Variants in SEPTIN3 observed in about 807,000 individuals in gnomAD.
SEPTIN3 encodes the protein neuronal-specific septin-3.
Under a neutral mutation model 45.1 loss-of-function variants are expected in SEPTIN3, and 15 were observed. That is an observed-to-expected ratio of 0.33 (90% CI 0.22 to 0.51). The LOEUF (loss-of-function observed/expected upper bound fraction) is 0.51, where lower values mean the gene tolerates loss of function less well. SEPTIN3 is among the 20% of genes least tolerant of loss of function. The pLI is 0.97. For missense variants in SEPTIN3, 289 were observed against 457.2 expected (o/e 0.63, Z 3.35); for synonymous variants, 148 against 164.8 (o/e 0.90, Z 0.78).
intron 1 of SEPTIN3, among the ~76,000 whole-genome samples, chr22:41,969,978 C>A (rs2077942439): frequency 1.3e-5 from 2 of 152,038 alleles, no homozygotes; most frequent in South Asian, 4.2e-4. Flanking sequence ...GGGTTGGAGG[C>A]CAGGACAGTC....
Position 41,994,175 on chromosome 22 carries a change from C to T in SEPTIN3, c.2360-115C>T, listed in dbSNP as rs554167252. 1.2e-6 allele frequency: 1 copy of T among 867,734 alleles called. No homozygotes were observed. Among genetic ancestry groups the T allele is most frequent in the African/African-American group, 1.7e-5 (1 of 60,480 alleles). 53.8% of individuals were successfully genotyped at this position (867,734 alleles called of 1,614,324 possible). A position where few individuals can be genotyped will look rare whatever the true frequency, so the allele number is the denominator to read the frequency against. ...CTCTGGAAGGGTTACAAAAAATGACCTGTCCCATAGCTTTCTCCTAAATGC... is the reference window on the plus strand; with the variant it reads ...CTCTGGAAGGGTTACAAAAAATGACTTGTCCCATAGCTTTCTCCTAAATGC... On this transcript the variant is annotated intron_variant, in intron 9 of 11. Transcript: ENST00000644076. This position sits in a 1 kb window ranked among gnomAD's most constrained non-coding sequence, Gnocchi z 4.2.
At chr22:41,990,553 G>A (rs780068887) in intron 7 of SEPTIN3, among the ~76,000 whole-genome samples, 1 of 146,640 alleles carries the variant, frequency 6.8e-6, no homozygotes, top group East Asian at 2.1e-4. Context: ...AGACCATCCT[G>A]GCTAACACGG....
rs1201627494 is a variant in SEPTIN3 at position 41,989,552 on chromosome 22, T to C, written c.2046-15T>C. The C allele has an allele frequency of 4.4e-6, 7 of 1,594,610 alleles. No homozygotes were observed. Among genetic ancestry groups the C allele is most frequent in the Non-Finnish European group, 6.0e-6 (7 of 1,162,674 alleles). ...GCAAGGTGGCTCTGATGATTCTGCCTTTTCTGTGCCCCAGCTTGCGACCTC... is the reference window on the plus strand; with the variant it reads ...GCAAGGTGGCTCTGATGATTCTGCCCTTTCTGTGCCCCAGCTTGCGACCTC... On this transcript the variant is annotated splice_polypyrimidine_tract_variant and intron_variant, in intron 6 of 11. Coordinates refer to ENST00000644076, the MANE Select transcript of SEPTIN3 (RefSeq NM_001363845.2).
intron 2 of SEPTIN3, among the ~76,000 whole-genome samples, chr22:41,978,051 T>C (rs532742745): frequency 6.6e-6 from 1 of 152,170 alleles, no homozygotes; most frequent in Non-Finnish European, 1.5e-5. Context: ...AGCTGCACCC[T>C]GCTGTGACCC....
In SEPTIN3 at chr22:41,977,098, G is replaced by C. The variant is rs373792980; in HGVS notation, c.1504+4102G>C. The C allele has an allele frequency of 6.2e-4, 989 of 1,588,000 alleles. 8 individuals carry two copies. In the African/African-American group the frequency reaches 0.011, roughly 18 times the overall value. On this transcript the variant is annotated intron_variant, in intron 2 of 11. Coordinates refer to ENST00000644076, the MANE Select transcript of SEPTIN3 (RefSeq NM_001363845.2). ...AGGTAGGGCGGCCGGCCAGGCCACC[G>C]GCACCCGCCAGGAGGAGGCTGCGGC... is the stretch of plus-strand genomic sequence containing the variant.
At position 41,994,986 on chromosome 22, in the gene SEPTIN3, C is replaced by T; in HGVS notation, c.2505+272C>T. 2 of 1,343,220 alleles carry T rather than the reference C, an allele frequency of 1.5e-6. No homozygotes were observed. Among genetic ancestry groups the T allele is most frequent in the Non-Finnish European group, 1.9e-6 (2 of 1,043,464 alleles). The allele number at this position is 1,343,220 out of a possible 1,614,324, so 83.2% of individuals were successfully genotyped here. ...AGGGGTGAGGTATTTTCACTGCCCT[C>T]CCTGGAGAGTCCCTTGTAAGTTTGG... On this transcript the variant is annotated intron_variant, in intron 11 of 11. Transcript: ENST00000644076. The surrounding 1 kb of genome is among the most constrained non-coding windows in gnomAD (Gnocchi z 4.2).
In SEPTIN3 at chr22:41,972,684, G is replaced by C; in HGVS notation, c.1192G>C (p.Val398Leu). The C allele has an allele frequency of 2.5e-6, 1 of 399,162 alleles. No individual in the cohort carries two copies. Among genetic ancestry groups the C allele is most frequent in the East Asian group, 3.6e-5 (1 of 28,080 alleles). 24.7% of individuals were successfully genotyped at this position (399,162 alleles called of 1,614,324 possible). Residue 398 changes from valine to leucine, a missense_variant, in exon 2 of 12, where the codon GTG (valine) becomes CTG (leucine). Around this residue, in one of 3 missense-constraint regions of SEPTIN3, gnomAD observed 200 missense variants for 315.1 expected, o/e 0.63. Coordinates refer to ENST00000644076, the MANE Select transcript of SEPTIN3 (RefSeq NM_001363845.2). ...PVKPDTITAT[V>L]GTSRLETAMA... is the part of the protein sequence containing the mutation. The stretch of plus-strand genomic sequence containing the variant: ...CAAGCCGGACACAATCACAGCTACA[G>C]TGGGCACCAGTAGGTTGGAAACAGC...
chr22:41,988,842 C>G (rs912614404), intron 6 of SEPTIN3, among the ~76,000 whole-genome samples: 1 of 152,122 alleles, frequency 6.6e-6, no homozygotes, highest in African/African-American at 2.4e-5. Context: ...ACAAGATGTA[C>G]ACACTAGGCA....
chr22:41,987,764 G>A lies in SEPTIN3; in HGVS notation c.2045+5G>A. ...CATCTCTCCCACAGGACACTCGTAT[G>A]TACCAACCCTACCCCTATTGTCAGG... On this transcript the variant is annotated splice_donor_5th_base_variant and intron_variant, in intron 6 of 11. Coordinates refer to ENST00000644076, the MANE Select transcript of SEPTIN3 (RefSeq NM_001363845.2). 1 of 1,609,802 alleles carries A rather than the reference G, an allele frequency of 6.2e-7. No individual in the cohort carries two copies. Among genetic ancestry groups the A allele is most frequent in the South Asian group, 1.1e-5 (1 of 90,920 alleles).
Position 41,997,876 on chromosome 22 carries a change from T to A in SEPTIN3, c.*909T>A, listed in dbSNP as rs1017425130. The A allele has an allele frequency of 6.6e-6, 1 of 152,638 alleles. No individual in the cohort carries two copies. The highest frequency in any genetic ancestry group is 1.5e-5 in the Non-Finnish European group (1 of 68,072). 9.5% of individuals were successfully genotyped at this position (152,638 alleles called of 1,614,324 possible). A position where few individuals can be genotyped will look rare whatever the true frequency, so the allele number is the denominator to read the frequency against. On this transcript the variant is annotated 3_prime_UTR_variant, in exon 12 of 12. Transcript: ENST00000644076. ...AGGGAGGGCAAAGCCCCCCATCAGA[T>A]GCATGAATGTTTGCGAATGTTGACT...
chr22:41,996,608 C>CA, intron 11 of SEPTIN3: 2 of 1,153,686 alleles, frequency 1.7e-6, no homozygotes, highest in African/African-American at 1.6e-5. Flanking sequence ...CCCTTGCTCA[C>CA]AAAGTTACAG....
Position 41,994,398 on chromosome 22 carries a change from G to T in SEPTIN3, c.2411+57G>T. 1.3e-6 allele frequency: 2 copies of T among 1,586,132 alleles called. No individual in the cohort carries two copies. Among genetic ancestry groups the T allele is most frequent in the Non-Finnish European group, 1.7e-6 (2 of 1,155,620 alleles). Reference sequence around the variant, plus strand: ...GCAGGTTGAATTATTTGGGGTCAGGGTCTATCTGTTCAGATTCACCTCCTG... The same window carrying T: ...GCAGGTTGAATTATTTGGGGTCAGGTTCTATCTGTTCAGATTCACCTCCTG... On this transcript the variant is annotated intron_variant, in intron 10 of 11. Coordinates refer to ENST00000644076, the MANE Select transcript of SEPTIN3 (RefSeq NM_001363845.2). The surrounding 1 kb of genome is among the most constrained non-coding windows in gnomAD (Gnocchi z 4.2).
chr22:41,977,634 T>C (rs1459469546), intron 2 of SEPTIN3, among the ~76,000 whole-genome samples: 2 of 148,720 alleles, frequency 1.3e-5, no homozygotes, highest in Admixed American at 6.7e-5. Context: ...GGAATTGCCT[T>C]TGTGGGGGGC....
At position 41,971,852 on chromosome 22, in the gene SEPTIN3, G is replaced by A. The variant is rs2077963624; in HGVS notation, c.360G>A (p.Arg120=). The change falls in exon 2 of 12, where the codon CGG becomes CGA. Residue 120 remains arginine (R), a synonymous_variant. Coordinates refer to ENST00000644076, the MANE Select transcript of SEPTIN3 (RefSeq NM_001363845.2). ...CTCTCCATCAGAACAGCCAGGCACGGTCCCTGGATCGCCCACTTTCTCACT... is the reference window on the plus strand; with the variant it reads ...CTCTCCATCAGAACAGCCAGGCACGATCCCTGGATCGCCCACTTTCTCACT... ...SLTLHQNSQA[R]SLDRPLSHWE... 5.0e-6 allele frequency: 2 copies of A among 399,156 alleles called. No homozygotes were observed. The highest frequency in any genetic ancestry group is 8.8e-6 in the Non-Finnish European group (2 of 226,190). The allele number at this position is 399,156 out of a possible 1,614,324, so 24.7% of individuals were successfully genotyped here. A position where few individuals can be genotyped will look rare whatever the true frequency, so the allele number is the denominator to read the frequency against.
At position 41,994,574 on chromosome 22, in the gene SEPTIN3, TC is replaced by T. The variant is rs1421520499; in HGVS notation, c.2412-45del. 6.2e-7 allele frequency: 1 copy of T among 1,612,262 alleles called. No homozygotes were observed. Among genetic ancestry groups the T allele is most frequent in the African/African-American group, 1.3e-5 (1 of 74,990 alleles). ...AGTGATGTGTGTCACCGCCTCCTCT[TC>T]CTGCCCCTAATTGCAGCCCTCTTCT... On this transcript the variant is annotated intron_variant, in intron 10 of 11. Transcript: ENST00000644076. This position sits in a 1 kb window ranked among gnomAD's most constrained non-coding sequence, Gnocchi z 4.2.
At position 41,987,632 on chromosome 22, in the gene SEPTIN3, A is replaced by G; in HGVS notation, c.1918A>G (p.Ile640Val). 1 of 1,610,918 alleles carries G rather than the reference A, an allele frequency of 6.2e-7. No individual in the cohort carries two copies. Among genetic ancestry groups the G allele is most frequent in the Non-Finnish European group, 8.5e-7 (1 of 1,177,334 alleles). Residue 640 changes from isoleucine (I) to valine (V), a missense_variant, in exon 6 of 12, where the codon ATT (isoleucine) becomes GTT (valine). Around this residue, in one of 3 missense-constraint regions of SEPTIN3, gnomAD observed 200 missense variants for 315.1 expected, o/e 0.63. Transcript: ENST00000644076. ...QINNENCWEP[I>V]EKYINEQYEK... is the part of the protein sequence containing the mutation. ...TTCCCTCCCCATCAGCTGGGAGCCC[A>G]TTGAGAAGTACATCAATGAGCAGTA... is the stretch of plus-strand genomic sequence containing the variant.
In SEPTIN3 at chr22:41,997,151, T is replaced by G; in HGVS notation, c.*184T>G. The stretch of plus-strand genomic sequence containing the variant: ...CCTCCATTTATCCAAACCACTCCTC[T>G]CCTCCCAGTGGAGTGGGGTTCTGCC... On this transcript the variant is annotated 3_prime_UTR_variant, in exon 12 of 12. Coordinates refer to ENST00000644076, the MANE Select transcript of SEPTIN3 (RefSeq NM_001363845.2). 1 of 1,148,260 alleles carries G rather than the reference T, an allele frequency of 8.7e-7. No individual in the cohort carries two copies. The highest frequency in any genetic ancestry group is 1.2e-6 in the Non-Finnish European group (1 of 830,658). 71.1% of individuals were successfully genotyped at this position (1,148,260 alleles called of 1,614,324 possible).
rs190397681 is a variant in SEPTIN3 at position 41,973,419 on chromosome 22, T to C, written c.1504+423T>C. On this transcript the variant is annotated intron_variant, in intron 2 of 11. Transcript: ENST00000644076. ...CGCCTGTAATCCCAGCACTTTGGGA[T>C]CTGCCCAAGGCGGGCAGATCACAAG... 1.9e-3 allele frequency among the ~76,000 whole-genome samples: 278 copies of C among 145,284 alleles called. 1 individual carries two copies. The highest frequency in any genetic ancestry group is 5.8e-3 in the African/African-American group (226 of 38,736).
In SEPTIN3 at chr22:41,997,826, A is replaced by C. The variant is rs1167799318; in HGVS notation, c.*859A>C. 6.6e-6 allele frequency: 1 copy of C among 152,604 alleles called. No homozygotes were observed. The highest frequency in any genetic ancestry group is 6.5e-5 in the Admixed American group (1 of 15,276). The allele number at this position is 152,604 out of a possible 1,614,324, so 9.5% of individuals were successfully genotyped here. A position where few individuals can be genotyped will look rare whatever the true frequency, so the allele number is the denominator to read the frequency against. ...TGAATTAGCCTGACCACAGGTGGTCACTGTAGGCTAATGGAAAATACCCAA... is the reference window on the plus strand; with the variant it reads ...TGAATTAGCCTGACCACAGGTGGTCCCTGTAGGCTAATGGAAAATACCCAA... On this transcript the variant is annotated 3_prime_UTR_variant, in exon 12 of 12. Transcript: ENST00000644076.
Sources: allele counts gnomAD v4.1 joint callset (sites outside exome capture counted in the v4.1 genomes callset), GRCh38; gene constraint gnomAD v4.1.1; regional missense constraint gnomAD v4.1.1; non-coding constraint Gnocchi (gnomAD v3.1); transcripts MANE v1.5; gene names NCBI Gene and HGNC (gene_info 2026-07-23, HGNC 2026-07-21).